NINJ2: variants seen among roughly 807,000 people sequenced by gnomAD.
The protein encoded by NINJ2 is ninjurin-2.
In NINJ2, 12 loss-of-function variants were observed where a neutral mutation model predicts 11.7. The observed-to-expected ratio is 1.02, with a 90% CI of 0.66 to 1.66. The LOEUF is 1.66. Ranked by LOEUF, NINJ2 falls within the 40% of genes most tolerant of loss-of-function variation. The probability of loss-of-function intolerance (pLI) is 0.00; values close to 1 mark genes in which losing one functional copy is unlikely to be tolerated. For missense variants in NINJ2, 187 were observed against 181.8 expected, an observed-to-expected ratio of 1.03 and a Z score of -0.16; for synonymous variants, 93 against 76.8, an observed-to-expected ratio of 1.21 and a Z score of -1.10.
intron 1 of NINJ2, among the ~76,000 whole-genome samples, chr12:627,784 G>T (rs78878546): frequency 1.3e-5 from 2 of 152,148 alleles, no homozygotes; most frequent in African/African-American, 4.8e-5. Context: ...GCACAGTGGC[G>T]CATGCCTGTA....
intron 1 of NINJ2, among the ~76,000 whole-genome samples, chr12:650,708 A>G (rs1025815099): frequency 1.3e-5 from 2 of 152,202 alleles, no homozygotes; most frequent in Non-Finnish European, 2.9e-5. Flanking sequence ...GTATAGGGAT[A>G]TCTTGACACA....
chr12:643,731 T>C, intron 1 of NINJ2: 4 of 959,742 alleles, frequency 4.2e-6, no homozygotes, highest in Non-Finnish European at 5.0e-6. Flanking sequence ...ACATCTTTTC[T>C]GGAACTCGCT....
intron 1 of NINJ2, among the ~76,000 whole-genome samples, chr12:615,840 G>T (rs1948085608): frequency 6.6e-6 from 1 of 152,184 alleles, no homozygotes; most frequent in Non-Finnish European, 1.5e-5. Context: ...CCCTTTTCAG[G>T]GTCATCTGAC....
chr12:618,309 T>TTGGTAATGAGGTGGGGGTGAGGAGG (rs1948117149), intron 1 of NINJ2, among the ~76,000 whole-genome samples: 5 of 15,576 alleles, frequency 3.2e-4, no homozygotes, highest in African/African-American at 5.2e-4. Flanking sequence ...GGGTGAGGAG[T>TTGGTAATGAGGTGGGGGTGAGGAGG]TGGTAATGAG....
intron 1 of NINJ2, among the ~76,000 whole-genome samples, chr12:650,657 C>T (rs1301685572): frequency 1.3e-5 from 2 of 152,124 alleles, no homozygotes; most frequent in Non-Finnish European, 2.9e-5. Flanking sequence ...CGAGTTCGCG[C>T]CACTGCACTC....
chr12:576,705 C>T (rs1322560740), intron 1 of NINJ2, among the ~76,000 whole-genome samples: 2 of 152,226 alleles, frequency 1.3e-5, no homozygotes, highest in African/African-American at 2.4e-5. Context: ...TGCAAGAGGC[C>T]GTTTTGCCAG....
In NINJ2 at chr12:634,265, CTTTTTTTTTTTT is replaced by C. The variant is rs67797144; in HGVS notation, c.33+29051_33+29062del. Among the ~76,000 whole-genome samples, 18 of 59,480 alleles carry C rather than the reference CTTTTTTTTTTTT, an allele frequency of 3.0e-4. 2 individuals carry two copies. The highest frequency in any genetic ancestry group is 6.0e-4 in the Admixed American group (2 of 3,344). The allele number at this position is 59,480 out of a possible 152,430, so 39.0% of individuals were successfully genotyped here. A position where few individuals can be genotyped will look rare whatever the true frequency, so the allele number is the denominator to read the frequency against. ...AAATAAATGTTGATTAGTTGCAGTT[CTTTTTTTTTTTT>C]TTTTTTTTTTTTTGCACTGTCTCCC... On this transcript the variant is annotated intron_variant, in intron 1 of 3. Coordinates refer to ENST00000305108, the MANE Select transcript of NINJ2 (RefSeq NM_016533.6).
intron 1 of NINJ2, among the ~76,000 whole-genome samples, chr12:629,896 A>AAAAAAAAAAAAAAAAAAATATAT: frequency 6.1e-4 from 6 of 9,888 alleles, no homozygotes; most frequent in Non-Finnish European, 9.4e-4. Context: ...AAAAAAAAAA[A>AAAAAAAAAAAAAAAAAAATATAT]ATATATATAT....
At chr12:565,180 G>A in intron 3 of NINJ2, 37 bp downstream of exon 3, 1 of 1,537,362 alleles carries the variant, frequency 6.5e-7, no homozygotes, top group Non-Finnish European at 8.8e-7. Flanking sequence ...GCCACCTGGG[G>A]AGTCCCTGGA....
At chr12:651,731 C>T (rs186926927) in intron 1 of NINJ2, among the ~76,000 whole-genome samples, 12 of 152,194 alleles carry the variant, frequency 7.9e-5, no homozygotes, top group East Asian at 3.9e-4. Context: ...AGATGGGCAA[C>T]GTAAGTGGAG....
intron 1 of NINJ2, among the ~76,000 whole-genome samples, chr12:647,275 G>A (rs549269344): frequency 1.3e-5 from 2 of 152,290 alleles, no homozygotes; most frequent in African/African-American, 2.4e-5. Context: ...ATCTTCACCC[G>A]AGCCCTTCAT....
At chr12:573,091 T>A (rs1947401271) in intron 1 of NINJ2, among the ~76,000 whole-genome samples, 1 of 144,474 alleles carries the variant, frequency 6.9e-6, no homozygotes, top group Non-Finnish European at 1.5e-5. Flanking sequence ...AGTGGCGCAA[T>A]CTCAGCTCAC....
intron 1 of NINJ2, among the ~76,000 whole-genome samples, chr12:617,621 A>T (rs953153904): frequency 2.6e-5 from 4 of 152,214 alleles, no homozygotes; most frequent in African/African-American, 9.6e-5. Context: ...GAGCTCCCCC[A>T]GGGCTTTCCT....
At chr12:598,551 A>T (rs1045809916) in intron 1 of NINJ2, among the ~76,000 whole-genome samples, 2 of 152,126 alleles carry the variant, frequency 1.3e-5, no homozygotes, top group Non-Finnish European at 2.9e-5. Context: ...AAAGGGGGGG[A>T]GACATTTAAA....
intron 1 of NINJ2, among the ~76,000 whole-genome samples, chr12:599,218 C>T (rs1947831747): frequency 4.6e-5 from 7 of 151,866 alleles, no homozygotes; most frequent in Admixed American, 4.6e-4. Flanking sequence ...CTTGTCTCTA[C>T]TAAAAATACC....
intron 1 of NINJ2, among the ~76,000 whole-genome samples, chr12:649,527 A>G (rs1023683010): frequency 1.9e-5 from 2 of 107,318 alleles, no homozygotes; most frequent in Admixed American, 1.1e-4. Context: ...GTGTGTGTAT[A>G]TGTGTATATA....
chr12:570,144 G>A (rs1021834163), intron 1 of NINJ2, among the ~76,000 whole-genome samples: 3 of 152,216 alleles, frequency 2.0e-5, no homozygotes, highest in African/African-American at 7.2e-5. Flanking sequence ...AAGCTGAAAT[G>A]GAGCCAGCGT....
At chr12:611,513 T>G (rs1191822950) in intron 1 of NINJ2, among the ~76,000 whole-genome samples, 1 of 152,144 alleles carries the variant, frequency 6.6e-6, no homozygotes, top group African/African-American at 2.4e-5. Flanking sequence ...AATTTTTGTA[T>G]TTTTAGTAGA....
At chr12:597,768 T>A (rs1164714519) in intron 1 of NINJ2, among the ~76,000 whole-genome samples, 1 of 152,204 alleles carries the variant, frequency 6.6e-6, no homozygotes, top group Admixed American at 6.5e-5. Context: ...CCATTAACAA[T>A]GAACACCAAG....
Sources: allele counts gnomAD v4.1 joint callset (sites outside exome capture counted in the v4.1 genomes callset), GRCh38; gene constraint gnomAD v4.1.1; transcripts MANE v1.5; gene names NCBI Gene and HGNC (gene_info 2026-07-23, HGNC 2026-07-21).